The following HSD17B3 variants were observed in gnomAD, a reference collection of about 807,000 sequenced individuals.
HSD17B3 encodes the protein hydroxysteroid 17-beta dehydrogenase 3, also known as 17-beta-hydroxysteroid dehydrogenase type 3.
A neutral mutation model predicts 41.1 loss-of-function variants in HSD17B3; 29 were observed. The ratio of observed to expected loss-of-function variants is 0.71; its 90% CI spans 0.53 to 0.96. The LOEUF is 0.96. Among genes scored for constraint, HSD17B3 ranks in the 40% least tolerant of loss-of-function variants. HSD17B3 has a pLI of 0.00. For missense variants in HSD17B3, 323 were observed against 374.6 expected, an observed-to-expected ratio of 0.86 and a Z score of 1.14; for synonymous variants, 126 against 145.6, an observed-to-expected ratio of 0.87 and a Z score of 0.97.
intron 2 of HSD17B3, among the ~76,000 whole-genome samples, chr9:96,284,891 T>G (rs1587776818): frequency 6.7e-6 from 1 of 150,142 alleles, no homozygotes; most frequent in Non-Finnish European, 1.5e-5. Flanking sequence ...CAGGCTGGAG[T>G]GCAGTGGCGT....
chr9:96,294,996 G>A (rs1286270037), intron 2 of HSD17B3, among the ~76,000 whole-genome samples: 1 of 140,364 alleles, frequency 7.1e-6, no homozygotes, highest in East Asian at 2.2e-4. Flanking sequence ...GGTCAGACAC[G>A]AGGAGCTTTT....
At chr9:96,250,517 C>T in intron 5 of HSD17B3, 1 of 1,029,586 alleles carries the variant, frequency 9.7e-7, no homozygotes, top group Admixed American at 5.4e-5. Flanking sequence ...GCATGAGAGC[C>T]TGTTCAGATT....
intron 2 of HSD17B3, among the ~76,000 whole-genome samples, chr9:96,277,979 G>A (rs1417601784): frequency 3.9e-5 from 6 of 152,130 alleles, no homozygotes; most frequent in African/African-American, 1.4e-4. Flanking sequence ...AGTGAAATAA[G>A]TCAGACACAA....
chr9:96,271,657 T>C (rs942835989), intron 2 of HSD17B3, among the ~76,000 whole-genome samples: 1 of 152,236 alleles, frequency 6.6e-6, no homozygotes, highest in African/African-American at 2.4e-5. Flanking sequence ...ACACGATAGA[T>C]GGAACTTGCT....
chr9:96,247,875 C>T (rs912461), intron 6 of HSD17B3, among the ~76,000 whole-genome samples: 89,081 of 152,008 alleles, frequency 0.59, 26,344 homozygotes, highest in East Asian at 0.82. Context: ...AAAGAGAACT[C>T]GACTATCTCC....
intron 2 of HSD17B3, among the ~76,000 whole-genome samples, chr9:96,290,373 A>C (rs1184156519): frequency 6.6e-6 from 1 of 151,706 alleles, no homozygotes; most frequent in African/African-American, 2.4e-5. Flanking sequence ...TACATAAAAC[A>C]AAGAGAAGAA....
At chr9:96,273,927 C>T (rs1204025887) in intron 2 of HSD17B3, among the ~76,000 whole-genome samples, 1 of 152,160 alleles carries the variant, frequency 6.6e-6, no homozygotes, top group Non-Finnish European at 1.5e-5. Flanking sequence ...GGTGTTTCCC[C>T]ACCAAAGCCA....
intron 2 of HSD17B3, among the ~76,000 whole-genome samples, chr9:96,261,711 C>T (rs1054108943): frequency 6.6e-6 from 1 of 152,228 alleles, no homozygotes; most frequent in Non-Finnish European, 1.5e-5. Flanking sequence ...GAGGGAGACA[C>T]GCAGACCTGC....
At chr9:96,285,750 A>T (rs190322490) in intron 2 of HSD17B3, among the ~76,000 whole-genome samples, 1 of 152,114 alleles carries the variant, frequency 6.6e-6, no homozygotes, top group East Asian at 1.9e-4. Context: ...GCTCCTCTCT[A>T]CTCTGAATAC....
At chr9:96,301,883 AAAT>A (rs1033054801) in intron 1 of HSD17B3, 65 bp downstream of exon 1, 17 of 1,546,080 alleles carry the variant, frequency 1.1e-5, no homozygotes, top group Non-Finnish European at 9.8e-6. Flanking sequence ...TCTGTCTCAA[AAAT>A]AATAATAATA....
chr9:96,276,129 A>AC (rs71368241), intron 2 of HSD17B3, among the ~76,000 whole-genome samples: 11,978 of 137,320 alleles, frequency 0.087, 286 homozygotes, highest in Non-Finnish European at 0.14. Flanking sequence ...AAAAAAAAAA[A>AC]AAACAGAAGA....
chr9:96,267,144 G>C (rs921612726), intron 2 of HSD17B3, among the ~76,000 whole-genome samples: 1 of 137,264 alleles, frequency 7.3e-6, no homozygotes, highest in Non-Finnish European at 1.5e-5. Flanking sequence ...AACAGCGCCA[G>C]GCAAAAGACA....
rs138938302 is a variant in HSD17B3 at position 96,279,942 on chromosome 9, T to C, written c.201+18474A>G. Among the ~76,000 whole-genome samples the C allele has an allele frequency of 9.3e-3, 1,410 of 152,240 alleles. 29 individuals carry two copies. Among genetic ancestry groups the C allele is most frequent in the South Asian group, 0.067 (324 of 4,824 alleles). On this transcript the variant is annotated intron_variant, in intron 2 of 10. Coordinates refer to ENST00000375263, the MANE Select transcript of HSD17B3 (RefSeq NM_000197.2). ...CCGCCACCACCCCTGGCTAATTTTT[T>C]GCATTTTCAGTAGAGGCGGGGTTTC... is the stretch of plus-strand genomic sequence containing the variant.
chr9:96,257,204 G>A (rs565399518), intron 2 of HSD17B3, among the ~76,000 whole-genome samples: 1 of 152,226 alleles, frequency 6.6e-6, no homozygotes, highest in Non-Finnish European at 1.5e-5. Context: ...TTTCTTTATT[G>A]CAGTGCAAGA....
intron 5 of HSD17B3, 27 bp from the exon 6 acceptor site, chr9:96,249,813 T>C: frequency 6.2e-7 from 1 of 1,614,002 alleles, no homozygotes. Flanking sequence ...CAACCACACA[T>C]CAGCCGGATG....
intron 2 of HSD17B3, among the ~76,000 whole-genome samples, chr9:96,257,376 C>A (rs1440936560): frequency 2.0e-5 from 3 of 151,938 alleles, no homozygotes; most frequent in Non-Finnish European, 4.4e-5. Context: ...TCCAAGTCTG[C>A]CCCCCTGCCC....
chr9:96,240,252 TA>T (rs1442831431), intron 10 of HSD17B3, among the ~76,000 whole-genome samples: 1 of 151,982 alleles, frequency 6.6e-6, no homozygotes, highest in East Asian at 1.9e-4. Context: ...AAATGAAAAC[TA>T]AAAAAAGAGC....
At chr9:96,282,473 T>C (rs1826735751) in intron 2 of HSD17B3, among the ~76,000 whole-genome samples, 1 of 152,212 alleles carries the variant, frequency 6.6e-6, no homozygotes, top group South Asian at 2.1e-4. Flanking sequence ...TGCTTTAAGG[T>C]CATAAACTGC....
chr9:96,297,716 T>C (rs1827420124), intron 2 of HSD17B3, among the ~76,000 whole-genome samples: 1 of 152,140 alleles, frequency 6.6e-6, no homozygotes, highest in Admixed American at 6.6e-5. Flanking sequence ...CTATTGTATT[T>C]GACATGGTTC....
Sources: allele counts gnomAD v4.1 joint callset (sites outside exome capture counted in the v4.1 genomes callset), GRCh38; gene constraint gnomAD v4.1.1; transcripts MANE v1.5; gene names NCBI Gene and HGNC (gene_info 2026-07-23, HGNC 2026-07-21).